Variants in MAD1L1 observed in about 807,000 individuals in gnomAD.
MAD1L1 encodes the protein mitotic arrest deficient 1 like 1.
A neutral mutation model predicts 96.9 loss-of-function variants in MAD1L1; 95 were observed. The ratio of observed to expected loss-of-function variants is 0.98; its 90% CI spans 0.83 to 1.16. MAD1L1 has a LOEUF of 1.16. Ranked by LOEUF, MAD1L1 falls within the 50% of genes most tolerant of loss-of-function variation. MAD1L1 has a pLI of 0.00. For synonymous variants in MAD1L1, 473 were observed against 396.6 expected, an observed-to-expected ratio of 1.19 and a Z score of -2.29; for missense variants, 1,007 against 954.4, an observed-to-expected ratio of 1.06 and a Z score of -0.73.
intron 18 of MAD1L1, among the ~76,000 whole-genome samples, chr7:1,842,118 T>C (rs1345450453): frequency 6.6e-6 from 1 of 152,236 alleles, no homozygotes; most frequent in Admixed American, 6.5e-5. Flanking sequence ...AATTAGTACT[T>C]GGTAATATCA....
chr7:1,901,718 T>C (rs1046762452), intron 17 of MAD1L1, among the ~76,000 whole-genome samples: 7 of 152,138 alleles, frequency 4.6e-5, no homozygotes, highest in Non-Finnish European at 1.0e-4. Flanking sequence ...CCTCCAGGGC[T>C]ACCCCAGGCT....
chr7:2,148,621 A>G (rs1202958177), intron 11 of MAD1L1: 1 of 152,692 alleles, frequency 6.5e-6, no homozygotes, highest in Non-Finnish European at 1.5e-5. Flanking sequence ...GAGCGAAACC[A>G]GAGAAGAGCC....
intron 11 of MAD1L1, among the ~76,000 whole-genome samples, chr7:2,094,141 C>T (rs980387966): frequency 3.3e-5 from 5 of 152,220 alleles, no homozygotes; most frequent in African/African-American, 4.8e-5. Flanking sequence ...CCTTGCTGAG[C>T]TGCTGGGAAC....
intron 10 of MAD1L1, among the ~76,000 whole-genome samples, chr7:2,156,459 T>C (rs1789853465): frequency 7.1e-6 from 1 of 139,998 alleles, no homozygotes; most frequent in Admixed American, 7.0e-5. Context: ...GCTTAGGGGC[T>C]GCACACAAAC....
intron 12 of MAD1L1, among the ~76,000 whole-genome samples, chr7:2,059,024 G>A (rs1310468335): frequency 7.7e-6 from 1 of 129,668 alleles, no homozygotes. Flanking sequence ...GAGGAGAGAA[G>A]CAGGGCTGGA....
intron 12 of MAD1L1, among the ~76,000 whole-genome samples, chr7:2,028,935 A>G (rs995009554): frequency 6.6e-6 from 1 of 152,220 alleles, no homozygotes; most frequent in Admixed American, 6.5e-5. Context: ...AAGGCTGCGC[A>G]GTGCCACGGT....
At chr7:1,987,279 A>G (rs890853579) in intron 14 of MAD1L1, among the ~76,000 whole-genome samples, 1 of 152,290 alleles carries the variant, frequency 6.6e-6, no homozygotes, top group Middle Eastern at 3.4e-3. Flanking sequence ...CGTGGTAACC[A>G]TGTAGGGCCC....
chr7:2,004,439 C>T (rs771356746), intron 13 of MAD1L1, among the ~76,000 whole-genome samples: 1 of 152,264 alleles, frequency 6.6e-6, no homozygotes, highest in Admixed American at 6.5e-5. Context: ...TCCCCATTTA[C>T]ATCAGTTCAC....
chr7:2,165,668 T>A (rs546941392), intron 10 of MAD1L1, among the ~76,000 whole-genome samples: 17 of 97,328 alleles, frequency 1.7e-4, no homozygotes, highest in African/African-American at 6.7e-4. Flanking sequence ...AAAACACGCG[T>A]CTCAGCTCAA....
intron 11 of MAD1L1, among the ~76,000 whole-genome samples, chr7:2,108,866 C>T (rs2128554881): frequency 6.6e-6 from 1 of 152,362 alleles, no homozygotes; most frequent in South Asian, 2.1e-4. Context: ...CCGGCCCGAT[C>T]CACGATCAGT....
At chr7:1,876,315 G>A (rs547014397) in intron 18 of MAD1L1, among the ~76,000 whole-genome samples, 5 of 151,976 alleles carry the variant, frequency 3.3e-5, no homozygotes, top group Admixed American at 2.6e-4. Context: ...CCAAGGTCCC[G>A]AGCCCCCCGT....
At chr7:1,946,924 G>A (rs1377732647) in intron 16 of MAD1L1, among the ~76,000 whole-genome samples, 1 of 152,270 alleles carries the variant, frequency 6.6e-6, no homozygotes, top group African/African-American at 2.4e-5. Flanking sequence ...GTGTTCAGGG[G>A]ACTGTCTACA....
rs562051409 is a variant in MAD1L1 at position 2,007,524 on chromosome 7, A to C, written c.1360-5403T>G. On this transcript the variant is annotated intron_variant, in intron 13 of 18. Transcript: ENST00000265854. ...TGGTGAAATTACTAAAAATACAAAAATTAGCTGGGTGTGGTGGTGCATGCC... is the reference window on the plus strand; with the variant it reads ...TGGTGAAATTACTAAAAATACAAAACTTAGCTGGGTGTGGTGGTGCATGCC... Among the ~76,000 whole-genome samples the C allele has an allele frequency of 3.9e-5, 6 of 152,302 alleles. No homozygotes were observed. The South Asian group carries it at 1.2e-3, about 32-fold the overall frequency.
chr7:1,860,928 C>G (rs1299110635), intron 18 of MAD1L1, among the ~76,000 whole-genome samples: 3 of 152,216 alleles, frequency 2.0e-5, no homozygotes, highest in African/African-American at 4.8e-5. Flanking sequence ...CGTCAAATCT[C>G]CCACCCAGTT....
At chr7:1,905,730 C>A (rs1224978929) in intron 17 of MAD1L1, among the ~76,000 whole-genome samples, 1 of 152,182 alleles carries the variant, frequency 6.6e-6, no homozygotes, top group Non-Finnish European at 1.5e-5. Flanking sequence ...CGGCCTGACC[C>A]CCATCTGTGT....
intron 12 of MAD1L1, among the ~76,000 whole-genome samples, chr7:2,025,912 G>A (rs770193170): frequency 2.0e-5 from 3 of 151,976 alleles, no homozygotes; most frequent in African/African-American, 4.8e-5. Context: ...TTTATTCTAC[G>A]ATTAAGATGT....
intron 12 of MAD1L1, among the ~76,000 whole-genome samples, chr7:2,017,966 C>T (rs1329269696): frequency 2.0e-5 from 3 of 151,984 alleles, no homozygotes; most frequent in Admixed American, 2.0e-4. Flanking sequence ...ACCAGGAAGC[C>T]GAGACAGAGA....
At chr7:1,823,910 T>C (rs770666395) in intron 18 of MAD1L1, among the ~76,000 whole-genome samples, 1 of 150,942 alleles carries the variant, frequency 6.6e-6, no homozygotes, top group Non-Finnish European at 1.5e-5. Context: ...CCTCCTGTCA[T>C]TGGTGTGCTG....
intron 1 of MAD1L1, among the ~76,000 whole-genome samples, chr7:2,231,538 T>C (rs1794190093): frequency 6.6e-6 from 1 of 151,538 alleles, no homozygotes; most frequent in South Asian, 2.1e-4. Context: ...ACCCAGGAGA[T>C]GGAGGTTGCA....
Sources: gnomAD v4.1 joint callset for allele counts (sites outside exome capture counted in the v4.1 genomes callset) on GRCh38, gnomAD v4.1.1 for gene constraint, MANE v1.5 for transcripts, NCBI Gene and HGNC (gene_info 2026-07-23, HGNC 2026-07-21) for gene names.